Variants in SRGAP3 observed in about 807,000 individuals in gnomAD.
SRGAP3 encodes SLIT-ROBO Rho GTPase activating protein 3.
SRGAP3 carries 39 observed loss-of-function variants against 121.1 expected under a neutral mutation model. That is an observed-to-expected ratio of 0.32 (90% CI 0.25 to 0.42). The LOEUF is 0.42. Among genes scored for constraint, SRGAP3 ranks in the 10% least tolerant of loss-of-function variants. SRGAP3 has a pLI of 1.00. For missense variants in SRGAP3, 1,213 were observed against 1,470.6 expected (o/e 0.82, Z 2.86); for synonymous variants, 601 against 570.0 (o/e 1.05, Z -0.77).
At chr3:9,049,390 C>T (rs1289818879) in intron 9 of SRGAP3, 2 of 456,104 alleles carry the variant, frequency 4.4e-6, no homozygotes, top group Admixed American at 2.3e-5. Flanking sequence ...CCACAGAGCA[C>T]TTGACAGTTT....
chr3:9,310,284 C>T (rs1373939043), intron 3 of SRGAP3, among the ~76,000 whole-genome samples: 2 of 152,060 alleles, frequency 1.3e-5, no homozygotes. Flanking sequence ...GGTAGAATGT[C>T]CAATCTAGTG....
At chr3:9,166,638 G>C (rs142472031) in intron 1 of SRGAP3, among the ~76,000 whole-genome samples, 8 of 152,320 alleles carry the variant, frequency 5.3e-5, no homozygotes, top group South Asian at 2.1e-4. Context: ...GCTTAAGCCA[G>C]AGAGAAATTG....
intron 1 of SRGAP3, among the ~76,000 whole-genome samples, chr3:9,343,618 A>T (rs536420204): frequency 1.2e-4 from 18 of 152,208 alleles, no homozygotes; most frequent in Non-Finnish European, 2.6e-4. Context: ...TTTTCTATGA[A>T]TAGGCATACA....
At chr3:9,262,372 A>G (rs1053309967) in intron 3 of SRGAP3, among the ~76,000 whole-genome samples, 9 of 152,044 alleles carry the variant, frequency 5.9e-5, no homozygotes, top group Non-Finnish European at 7.4e-5. Context: ...TTAACTTTAA[A>G]TGTAAATGGA....
At chr3:9,208,664 C>A (rs1026934716) in intron 1 of SRGAP3, among the ~76,000 whole-genome samples, 9 of 152,136 alleles carry the variant, frequency 5.9e-5, no homozygotes. Flanking sequence ...TTGAAATATC[C>A]CCTTATTGGT....
chr3:9,172,093 CTT>C (rs1553684903), intron 1 of SRGAP3, among the ~76,000 whole-genome samples: 27 of 90,152 alleles, frequency 3.0e-4, no homozygotes, highest in Admixed American at 7.6e-4. Context: ...TTTTTCTTTT[CTT>C]TTTTTTTTTT....
At position 9,319,822 on chromosome 3, in the gene SRGAP3, C is replaced by CG. The variant is rs1246446017; in HGVS notation, n.442+6187dup. 2.0e-4 allele frequency among the ~76,000 whole-genome samples: 30 copies of CG among 151,946 alleles called. 1 individual carries two copies. The highest frequency in any genetic ancestry group is 1.7e-3 in the South Asian group (8 of 4,816). ...CTGGGGCAGAGACTCAGAGTGTCTG[C>CG]GGTTGAGCAGGAACATGACTGTGAG... On this transcript the variant is annotated intron_variant and non_coding_transcript_variant, in intron 3 of 3. Transcript: ENST00000490889.
intron 1 of SRGAP3, among the ~76,000 whole-genome samples, chr3:9,198,436 T>C: frequency 6.6e-6 from 1 of 152,220 alleles, no homozygotes; most frequent in Non-Finnish European, 1.5e-5. Context: ...CCTCTCCTTA[T>C]ACAAGGTTCT....
At chr3:9,006,948 T>C (rs996993048) in intron 18 of SRGAP3, 1 of 145,988 alleles carries the variant, frequency 6.8e-6, no homozygotes, top group African/African-American at 2.5e-5. Context: ...CAGTTGGGTA[T>C]AGAATCTTTT....
chr3:9,011,825 A>G (rs1201373713), intron 17 of SRGAP3, among the ~76,000 whole-genome samples: 1 of 152,216 alleles, frequency 6.6e-6, no homozygotes. Flanking sequence ...GGTTTTGAAG[A>G]CTCCAAAATT....
chr3:9,152,043 T>C (rs565587222), intron 1 of SRGAP3, among the ~76,000 whole-genome samples: 82 of 152,254 alleles, frequency 5.4e-4, no homozygotes, highest in Non-Finnish European at 9.8e-4. Flanking sequence ...GTCTTATTTA[T>C]TTCTGCACAG....
chr3:9,182,850 G>A (rs983892088), intron 1 of SRGAP3, among the ~76,000 whole-genome samples: 14 of 151,730 alleles, frequency 9.2e-5, no homozygotes, highest in African/African-American at 3.2e-4. Context: ...AGAGATGGAG[G>A]TCTCACTGTG....
chr3:9,349,543 A>C (rs1392807650), intron 1 of SRGAP3: 1 of 185,654 alleles, frequency 5.4e-6, no homozygotes, highest in East Asian at 1.4e-4. Flanking sequence ...CAATGAAGCA[A>C]GACAGCCTGT....
chr3:9,287,077 G>A (rs536284363), intron 3 of SRGAP3, among the ~76,000 whole-genome samples: 78 of 131,972 alleles, frequency 5.9e-4, no homozygotes, highest in African/African-American at 2.0e-3. Flanking sequence ...CTGCAGCCTC[G>A]ACCTCCTGGG....
chr3:9,356,136 C>T (rs545762131), intron 1 of SRGAP3, among the ~76,000 whole-genome samples: 2 of 151,384 alleles, frequency 1.3e-5, no homozygotes, highest in African/African-American at 4.9e-5. Flanking sequence ...CGGTGAACAA[C>T]ATGGGATAGA....
chr3:9,043,798 G>A (rs1303184889), intron 10 of SRGAP3, among the ~76,000 whole-genome samples: 1 of 152,170 alleles, frequency 6.6e-6, no homozygotes, highest in Non-Finnish European at 1.5e-5. Flanking sequence ...AAGTTGGCAT[G>A]AAAAGGTCAT....
chr3:9,344,556 C>A (rs879903692), intron 1 of SRGAP3, among the ~76,000 whole-genome samples: 24 of 152,090 alleles, frequency 1.6e-4, no homozygotes, highest in Admixed American at 3.9e-4. Flanking sequence ...TTGCTTGGAG[C>A]CGGGAGGCGG....
At chr3:9,333,763 T>C (rs896380290) in intron 1 of SRGAP3, among the ~76,000 whole-genome samples, 3 of 152,172 alleles carry the variant, frequency 2.0e-5, no homozygotes, top group Non-Finnish European at 4.4e-5. Flanking sequence ...GACTTAATCA[T>C]AGGCAATTTT....
chr3:9,348,691 T>C lies in SRGAP3; in HGVS notation n.214+14149A>G, dbSNP rs934310974. On this transcript the variant is annotated intron_variant and non_coding_transcript_variant, in intron 1 of 3. Coordinates refer to the SRGAP3 transcript ENST00000490889. ...CAGACGTGGCTGCCAGTAGTGAGGA[T>C]TGGTGCCTCAATGAGCAGCACTCTG... The C allele has an allele frequency of 4.0e-5, 46 of 1,141,386 alleles. 1 individual carries two copies. The highest frequency in any genetic ancestry group is 4.9e-5 in the Non-Finnish European group (37 of 761,732). The allele number at this position is 1,141,386 out of a possible 1,614,324, so 70.7% of individuals were successfully genotyped here.
Sources: gnomAD v4.1 joint callset for allele counts (sites outside exome capture counted in the v4.1 genomes callset) on GRCh38, gnomAD v4.1.1 for gene constraint, MANE v1.5 for transcripts, NCBI Gene and HGNC (gene_info 2026-07-23, HGNC 2026-07-21) for gene names.